The following DOCK1 variants were observed in gnomAD, a reference collection of about 807,000 sequenced individuals.
DOCK1 encodes dedicator of cytokinesis protein 1.
In DOCK1, 138 loss-of-function variants were observed where a neutral mutation model predicts 262.7. The ratio of observed to expected loss-of-function variants is 0.53; its 90% CI spans 0.46 to 0.61. The LOEUF (loss-of-function observed/expected upper bound fraction) is 0.61, where lower values mean the gene tolerates loss of function less well. Ranked by LOEUF, DOCK1 falls within the 20% of genes least tolerant of loss-of-function variation. The pLI is 0.00. For synonymous variants in DOCK1, 866 were observed against 867.4 expected (o/e 1.00, Z 0.03); for missense variants, 1,908 against 2,370.7 (o/e 0.80, Z 4.05).
chr10:127,103,147 G>A (rs562327622), intron 23 of DOCK1, among the ~76,000 whole-genome samples: 6 of 152,274 alleles, frequency 3.9e-5, no homozygotes, highest in Middle Eastern at 3.4e-3. Flanking sequence ...TTGTTACTGC[G>A]TCGAGTTCCA....
chr10:126,966,007 C>T (rs1431663782), intron 1 of DOCK1, among the ~76,000 whole-genome samples: 1 of 152,152 alleles, frequency 6.6e-6, no homozygotes, highest in Non-Finnish European at 1.5e-5. Context: ...GCAAATTTCT[C>T]CTGTCCCCAC....
rs1292775522 is a variant in DOCK1 at position 127,347,895 on chromosome 10, T to C, written c.3224+4149T>C. Among the ~76,000 whole-genome samples, 57 of 27,174 alleles carry C rather than the reference T, an allele frequency of 2.1e-3. 3 individuals are homozygous for C. Among genetic ancestry groups the C allele is most frequent in the African/African-American group, 8.4e-3 (46 of 5,468 alleles). The allele number at this position is 27,174 out of a possible 152,430, so 17.8% of individuals were successfully genotyped here. On this transcript the variant is annotated intron_variant, in intron 31 of 51. Transcript: ENST00000623213. Reference sequence around the variant, plus strand: ...TTCCCTTCCCTTCCCATCCCTTCCCTTCCCCCTTGCTAAGCCCTTGCAGCT... The same window carrying C: ...TTCCCTTCCCTTCCCATCCCTTCCCCTCCCCCTTGCTAAGCCCTTGCAGCT...
intron 25 of DOCK1, among the ~76,000 whole-genome samples, chr10:127,112,659 A>G (rs1194642798): frequency 1.9e-4 from 29 of 152,186 alleles, no homozygotes. Flanking sequence ...TACCCAATGT[A>G]GTAAATGAGG....
Position 127,399,721 on chromosome 10 carries a change from C to A in DOCK1, c.3928-3334C>A, listed in dbSNP as rs939925026. Among the ~76,000 whole-genome samples the A allele has an allele frequency of 3.3e-5, 5 of 151,928 alleles. 1 individual carries two copies. Among genetic ancestry groups the A allele is most frequent in the African/African-American group, 1.2e-4 (5 of 41,356 alleles). On this transcript the variant is annotated intron_variant, in intron 38 of 51. Coordinates refer to ENST00000623213, the MANE Select transcript of DOCK1 (RefSeq NM_001290223.2). ...TTCTAGGCAGCTACAGAGTTTGTAT[C>A]CGCTTGCAGAAAATTTAAAAAAAAA... is the stretch of plus-strand genomic sequence containing the variant.
intron 44 of DOCK1, among the ~76,000 whole-genome samples, chr10:127,417,043 C>T (rs907490021): frequency 8.5e-5 from 13 of 152,288 alleles, no homozygotes; most frequent in South Asian, 2.1e-4. Flanking sequence ...GGGTTGCTGA[C>T]GGACAGAATC....
intron 23 of DOCK1, among the ~76,000 whole-genome samples, chr10:127,072,499 G>A (rs1286632360): frequency 1.3e-5 from 2 of 152,172 alleles, no homozygotes; most frequent in Non-Finnish European, 2.9e-5. Flanking sequence ...AAAAGTAAAG[G>A]TCAGGGTGAC....
chr10:127,441,692 C>T (rs148917452), intron 49 of DOCK1, among the ~76,000 whole-genome samples: 12 of 113,558 alleles, frequency 1.1e-4, no homozygotes, highest in Admixed American at 2.0e-4. Flanking sequence ...ACACCAGCCA[C>T]CCCCCCACCA....
At chr10:127,421,579 T>C (rs73388634) in intron 46 of DOCK1, among the ~76,000 whole-genome samples, 5,089 of 152,226 alleles carry the variant, frequency 0.033, 302 homozygotes, top group African/African-American at 0.12. Flanking sequence ...TCCAGAGCCT[T>C]GTCATCTTGC....
chr10:127,114,163 T>G (rs926866424), intron 25 of DOCK1, among the ~76,000 whole-genome samples: 2 of 152,206 alleles, frequency 1.3e-5, no homozygotes, highest in Non-Finnish European at 2.9e-5. Context: ...ATGAGAACTT[T>G]CCAAGCTGGG....
intron 27 of DOCK1, among the ~76,000 whole-genome samples, chr10:127,221,616 C>T (rs547945436): frequency 6.6e-6 from 1 of 152,262 alleles, no homozygotes; most frequent in East Asian, 1.9e-4. Context: ...GCTCATAATA[C>T]ATGATGTAAT....
At chr10:127,220,509 A>T (rs576379566) in intron 27 of DOCK1, among the ~76,000 whole-genome samples, 16 of 152,266 alleles carry the variant, frequency 1.1e-4, no homozygotes, top group African/African-American at 3.6e-4. Context: ...TTTAGGATAT[A>T]CTTACACTAG....
At position 127,278,383 on chromosome 10, in the gene DOCK1, G is replaced by A. The variant is rs1032985653; in HGVS notation, c.3044+20954G>A. Among the ~76,000 whole-genome samples the A allele has an allele frequency of 4.6e-5, 7 of 152,018 alleles. No individual in the cohort carries two copies. The South Asian group carries it at 8.3e-4, about 18-fold the overall frequency. On this transcript the variant is annotated intron_variant, in intron 29 of 51. Coordinates refer to ENST00000623213, the MANE Select transcript of DOCK1 (RefSeq NM_001290223.2). ...AGGTTGGTGAGCTCCCAGGTCCTCA[G>A]AAAATGAGACTAAGTTTTATTAAGA...
chr10:126,960,205 G>A (rs929523958), intron 1 of DOCK1, among the ~76,000 whole-genome samples: 3 of 152,090 alleles, frequency 2.0e-5, no homozygotes, highest in African/African-American at 7.2e-5. Context: ...CACTCAGTGA[G>A]CATTTGTGGC....
Position 127,384,813 on chromosome 10 carries a change from C to T in DOCK1, c.3831C>T (p.Ala1277=). The T allele has an allele frequency of 1.9e-6, 3 of 1,600,180 alleles. No individual in the cohort carries two copies. Among genetic ancestry groups the T allele is most frequent in the African/African-American group, 1.3e-5 (1 of 74,226 alleles). Reference sequence around the variant, plus strand: ...AGTGGTCGGAGGATGTGTGTGTGGCCCACCTCACCCAGCGGGACGGGTACC... The same window carrying T: ...AGTGGTCGGAGGATGTGTGTGTGGCTCACCTCACCCAGCGGGACGGGTACC... The part of the protein sequence containing the change: ...LLKWSEDVCV[A]HLTQRDGYQA... The change falls in exon 38 of 52, where the codon GCC becomes GCT. Residue 1277 remains alanine, a synonymous_variant. Transcript: ENST00000623213.
chr10:126,913,063 G>A (rs1023612956), intron 1 of DOCK1, among the ~76,000 whole-genome samples: 1 of 151,120 alleles, frequency 6.6e-6, no homozygotes, highest in Non-Finnish European at 1.5e-5. Context: ...GCTTTCTAAT[G>A]GGACTCCAAT....
At chr10:127,229,929 G>A (rs1202882599) in intron 27 of DOCK1, among the ~76,000 whole-genome samples, 1 of 152,134 alleles carries the variant, frequency 6.6e-6, no homozygotes, top group African/African-American at 2.4e-5. Context: ...ATTCTAACAG[G>A]TGTAAGGTGA....
chr10:127,445,268 A>T (rs528149506), intron 50 of DOCK1, among the ~76,000 whole-genome samples: 152 of 152,228 alleles, frequency 1.0e-3, no homozygotes, highest in South Asian at 8.7e-3. Context: ...TGTGGCACAG[A>T]GAGGGGTCCC....
intron 27 of DOCK1, among the ~76,000 whole-genome samples, chr10:127,179,456 T>C (rs1311109619): frequency 2.0e-5 from 3 of 152,246 alleles, no homozygotes; most frequent in Admixed American, 2.0e-4. Context: ...AATTGAGTTC[T>C]TATTCTCTGA....
intron 27 of DOCK1, among the ~76,000 whole-genome samples, chr10:127,218,483 A>G (rs1368676044): frequency 6.6e-6 from 1 of 152,192 alleles, no homozygotes; most frequent in African/African-American, 2.4e-5. Context: ...TCCGACTCCC[A>G]GTCTGTTCAG....
Sources: gnomAD v4.1 joint callset for allele counts (sites outside exome capture counted in the v4.1 genomes callset) on GRCh38, gnomAD v4.1.1 for gene constraint, MANE v1.5 for transcripts, NCBI Gene and HGNC (gene_info 2026-07-23, HGNC 2026-07-21) for gene names.